MYO3B: variants seen among roughly 807,000 people sequenced by gnomAD.
MYO3B encodes the protein myosin-IIIb.
A neutral mutation model predicts 174.6 loss-of-function variants in MYO3B; 156 were observed. That is an observed-to-expected ratio of 0.89 (90% CI 0.78 to 1.02). MYO3B has a LOEUF of 1.02. Among genes scored for constraint, MYO3B ranks in the 50% least tolerant of loss-of-function variants. MYO3B has a pLI of 0.00. For missense variants in MYO3B, 1,632 were observed against 1,639.4 expected (o/e 1.00, Z 0.08); for synonymous variants, 563 against 569.1 (o/e 0.99, Z 0.15).
chr2:170,524,108 G>A (rs893393272), intron 30 of MYO3B, among the ~76,000 whole-genome samples: 1 of 152,166 alleles, frequency 6.6e-6, no homozygotes, highest in African/African-American at 2.4e-5. Context: ...GAACTGAAGG[G>A]AAGTGTTGAG....
chr2:170,445,623 C>T (rs568820703), intron 23 of MYO3B, among the ~76,000 whole-genome samples: 30 of 151,714 alleles, frequency 2.0e-4, no homozygotes, highest in Non-Finnish European at 3.8e-4. Flanking sequence ...TACAGGCGCT[C>T]GCCACCACAC....
In MYO3B at chr2:170,230,161, AGTTTTTTTTTTT is replaced by A. The variant is rs978468743; in HGVS notation, c.604-5817_604-5806del. Among the ~76,000 whole-genome samples the A allele has an allele frequency of 2.7e-5, 4 of 146,110 alleles. No individual in the cohort carries two copies. In the East Asian group the frequency reaches 5.9e-4, roughly 22 times the overall value. ...TCTGGTATTAATCTCATGGGGACCT[AGTTTTTTTTTTT>A]GTTTTTTTTTTTTCGAGACAGAGTC... On this transcript the variant is annotated intron_variant, in intron 6 of 34. Transcript: ENST00000408978.
At chr2:170,601,596 A>C (rs1163578677) in intron 32 of MYO3B, 1 of 1,133,526 alleles carries the variant, frequency 8.8e-7, no homozygotes, top group African/African-American at 1.5e-5. Flanking sequence ...GAAAAAAACT[A>C]GGCTAGAACC....
intron 32 of MYO3B, among the ~76,000 whole-genome samples, chr2:170,544,947 A>C (rs1259212921): frequency 2.0e-5 from 3 of 152,190 alleles, no homozygotes; most frequent in Non-Finnish European, 4.4e-5. Flanking sequence ...TAGGGGAAAA[A>C]CAGTATAATG....
At chr2:170,549,544 C>G (rs1039075330) in intron 32 of MYO3B, among the ~76,000 whole-genome samples, 5 of 152,272 alleles carry the variant, frequency 3.3e-5, no homozygotes, top group African/African-American at 1.2e-4. Flanking sequence ...TCCAGTTGCT[C>G]TCATTACTAA....
chr2:170,482,752 T>A (rs1685777384), intron 25 of MYO3B, among the ~76,000 whole-genome samples: 1 of 152,246 alleles, frequency 6.6e-6, no homozygotes, highest in Non-Finnish European at 1.5e-5. Context: ...TTTACAGATC[T>A]TATTTACAGA....
At position 170,473,139 on chromosome 2, in the gene MYO3B, C is replaced by CTTTTTTTTTTTTTTTTTTTT. The variant is rs66837903; in HGVS notation, c.3014+6430_3014+6449dup. ...TTCTTTTTCTTTTTCTTTTTCTTTT[C>CTTTTTTTTTTTTTTTTTTTT]TTTTTTTTTTTTTTTTTTTTTGAGA... On this transcript the variant is annotated intron_variant, in intron 25 of 34. Coordinates refer to ENST00000408978, the MANE Select transcript of MYO3B (RefSeq NM_138995.5). 8.3e-5 allele frequency among the ~76,000 whole-genome samples: 8 copies of CTTTTTTTTTTTTTTTTTTTT among 96,440 alleles called. 1 individual carries two copies. The highest frequency in any genetic ancestry group is 3.4e-4 in the South Asian group (1 of 2,942). 63.3% of individuals were successfully genotyped at this position (96,440 alleles called of 152,430 possible). A position where few individuals can be genotyped will look rare whatever the true frequency, so the allele number is the denominator to read the frequency against.
intron 22 of MYO3B, among the ~76,000 whole-genome samples, chr2:170,436,944 A>G (rs1245508640): frequency 6.6e-6 from 1 of 152,154 alleles, no homozygotes; most frequent in Non-Finnish European, 1.5e-5. Flanking sequence ...AGTTCACAGC[A>G]AATAATAATA....
intron 25 of MYO3B, among the ~76,000 whole-genome samples, chr2:170,491,818 G>T (rs1324437650): frequency 2.6e-5 from 4 of 152,278 alleles, no homozygotes; most frequent in South Asian, 4.2e-4. Context: ...ACTTTGGAAG[G>T]CCGGGGTGGC....
chr2:170,557,588 C>A (rs1169815939), intron 32 of MYO3B, among the ~76,000 whole-genome samples: 2 of 152,172 alleles, frequency 1.3e-5, no homozygotes, highest in African/African-American at 2.4e-5. Flanking sequence ...GTTACTTGAG[C>A]ACCCACTAAA....
At chr2:170,578,118 A>G (rs138724859) in intron 32 of MYO3B, among the ~76,000 whole-genome samples, 233 of 152,320 alleles carry the variant, frequency 1.5e-3, no homozygotes, top group African/African-American at 4.8e-3. Context: ...CTGGTCCCCA[A>G]TGTTAACGTC....
chr2:170,312,951 T>A (rs1325155381), intron 7 of MYO3B, among the ~76,000 whole-genome samples: 3 of 152,242 alleles, frequency 2.0e-5, no homozygotes, highest in African/African-American at 7.2e-5. Context: ...CTATTTATAT[T>A]TCATTTGTGA....
chr2:170,243,334 TTTC>T (rs1367500803), intron 7 of MYO3B, among the ~76,000 whole-genome samples: 9 of 152,340 alleles, frequency 5.9e-5, no homozygotes, highest in African/African-American at 2.2e-4. Context: ...GTCCATGTTG[TTTC>T]TTATCTTCCA....
At chr2:170,505,797 C>A (rs549804707) in intron 28 of MYO3B, among the ~76,000 whole-genome samples, 10 of 152,358 alleles carry the variant, frequency 6.6e-5, no homozygotes, top group East Asian at 1.9e-4. Context: ...GGGGCTGGAA[C>A]CTTCTCCCAG....
At chr2:170,373,816 T>C (rs750786403) in intron 9 of MYO3B, among the ~76,000 whole-genome samples, 2 of 129,932 alleles carry the variant, frequency 1.5e-5, no homozygotes, top group African/African-American at 6.0e-5. Context: ...GAAATTCATG[T>C]TGAATGGCCT....
rs373212872 is a variant in MYO3B at position 170,630,402 on chromosome 2, C to T, written c.3734-21226C>T. On this transcript the variant is annotated intron_variant, in intron 32 of 34. Transcript: ENST00000408978. ...AGGTAAACAAAGCTGCCAGGAAGCT[C>T]GAACTGAGTGGGGCCCACCGCAGCT... is the stretch of plus-strand genomic sequence containing the variant. Among the ~76,000 whole-genome samples, 97 of 152,158 alleles carry T rather than the reference C, an allele frequency of 6.4e-4. 1 individual carries two copies. Among genetic ancestry groups the T allele is most frequent in the Admixed American group, 5.0e-3 (76 of 15,278 alleles).
intron 32 of MYO3B, among the ~76,000 whole-genome samples, chr2:170,604,133 G>GCACATT (rs1312941755): frequency 6.6e-6 from 1 of 152,108 alleles, no homozygotes; most frequent in Non-Finnish European, 1.5e-5. Flanking sequence ...TTGTCTAGTG[G>GCACATT]CACATTTCTC....
At chr2:170,427,637 A>G (rs571967991) in intron 22 of MYO3B, among the ~76,000 whole-genome samples, 1 of 152,298 alleles carries the variant, frequency 6.6e-6, no homozygotes, top group South Asian at 2.1e-4. Context: ...AATACTACCT[A>G]TTTCAGTATG....
At chr2:170,570,804 G>T (rs1328190137) in intron 32 of MYO3B, among the ~76,000 whole-genome samples, 1 of 151,820 alleles carries the variant, frequency 6.6e-6, no homozygotes. Context: ...AAATTTCCAG[G>T]CAGTTCTCAA....
Sources: allele counts gnomAD v4.1 joint callset (sites outside exome capture counted in the v4.1 genomes callset), GRCh38; gene constraint gnomAD v4.1.1; transcripts MANE v1.5; gene names NCBI Gene and HGNC (gene_info 2026-07-23, HGNC 2026-07-21).